Variants in CRB1 observed in about 807,000 individuals in gnomAD.
CRB1 encodes the protein crumbs cell polarity complex component 1.
A neutral mutation model predicts 120.0 loss-of-function variants in CRB1; 83 were observed. That is an observed-to-expected ratio of 0.69 (90% CI 0.58 to 0.83). The LOEUF is 0.83. Ranked by LOEUF, CRB1 falls within the 40% of genes least tolerant of loss-of-function variation. The pLI, the probability that CRB1 is intolerant of heterozygous loss-of-function variation, is 0.00. For synonymous variants in CRB1, 625 were observed against 612.5 expected (o/e 1.02, Z -0.30); for missense variants, 1,699 against 1,687.6 (o/e 1.01, Z -0.12).
intron 4 of CRB1, among the ~76,000 whole-genome samples, chr1:197,354,155 G>T (rs1393102310): frequency 6.6e-6 from 1 of 152,130 alleles, no homozygotes; most frequent in African/African-American, 2.4e-5. Context: ...AGCAAAGGTT[G>T]GCAAACGTTT....
rs1658671916 is a variant in CRB1 at position 197,328,711 on chromosome 1, A to G, written c.360A>G (p.Gln120=). The change falls in exon 2 of 12, where the codon CAA becomes CAG. Residue 120 remains glutamine, a synonymous_variant. Coordinates refer to ENST00000367400, the MANE Select transcript of CRB1 (RefSeq NM_201253.3). ...TIGSCGKNSC[Q]HGGICHQDPI... ...GTTCCTGTGGCAAGAACTCCTGCCA[A>G]CATGGAGGTATTTGCCATCAGGACC... 3 of 1,612,740 alleles carry G rather than the reference A, an allele frequency of 1.9e-6. No individual in the cohort carries two copies. Among genetic ancestry groups the G allele is most frequent in the East Asian group, 2.2e-5 (1 of 44,854 alleles).
the CRB1 span, chr1:197,223,052 G>T: frequency 1.3e-6 from 1 of 790,314 alleles, no homozygotes; most frequent in Non-Finnish European, 2.3e-6. Context: ...GACTATCTTT[G>T]AGGCAAAATA....
the CRB1 span, among the ~76,000 whole-genome samples, chr1:197,215,805 C>T: frequency 0.02 from 3,029 of 152,208 alleles, 49 homozygotes; most frequent in Middle Eastern, 0.058. Flanking sequence ...ACCTCCTTCC[C>T]GAATAAAGGA....
chr1:197,387,993 T>C (rs1464756044), intron 5 of CRB1, among the ~76,000 whole-genome samples: 2 of 151,746 alleles, frequency 1.3e-5, no homozygotes, highest in Non-Finnish European at 1.5e-5. Context: ...CTCATCTCTC[T>C]CTCTCTCTAT....
In CRB1 at chr1:197,435,397, C is replaced by G. The variant is rs753331276; in HGVS notation, c.3534C>G (p.Ile1178Met). 5 of 1,606,756 alleles carry G rather than the reference C, an allele frequency of 3.1e-6. No homozygotes were observed. Among genetic ancestry groups the G allele is most frequent in the Non-Finnish European group, 4.3e-6 (5 of 1,175,822 alleles). ...GWSGKHCELNIDECFSNPCIH... is the reference protein window; with the variant it reads ...GWSGKHCELNMDECFSNPCIH... ...CAGGGAAACACTGTGAACTCAACAT[C>G]GATGAATGCTTTTCAAACCCCTGTA... is the stretch of plus-strand genomic sequence containing the variant. Residue 1178 changes from isoleucine to methionine, a missense_variant, in exon 9 of 12, where the codon ATC (isoleucine) becomes ATG (methionine). Coordinates refer to ENST00000367400, the MANE Select transcript of CRB1 (RefSeq NM_201253.3).
intron 5 of CRB1, among the ~76,000 whole-genome samples, chr1:197,362,930 T>C (rs1021948467): frequency 2.0e-5 from 3 of 152,154 alleles, no homozygotes; most frequent in Non-Finnish European, 4.4e-5. Flanking sequence ...ATTATGTGTT[T>C]TCTGTTTGAT....
At chr1:197,205,265 C>A in the CRB1 span, among the ~76,000 whole-genome samples, 1 of 152,156 alleles carries the variant, frequency 6.6e-6, no homozygotes, top group Non-Finnish European at 1.5e-5. Flanking sequence ...ATTGTTCTGG[C>A]TCAGACTTCC....
chr1:197,469,266 A>T (rs1666879301), intron 11 of CRB1, among the ~76,000 whole-genome samples: 1 of 152,222 alleles, frequency 6.6e-6, no homozygotes, highest in Non-Finnish European at 1.5e-5. Flanking sequence ...TATATTTGAT[A>T]TGGACAGGTT....
intron 5 of CRB1, chr1:197,363,803 T>G: frequency 1.3e-6 from 1 of 753,908 alleles, no homozygotes; most frequent in South Asian, 1.4e-5. Flanking sequence ...GAATGGAGAT[T>G]TAAACCCAAG....
At chr1:197,354,519 T>C (rs1660318633) in intron 4 of CRB1, among the ~76,000 whole-genome samples, 1 of 152,040 alleles carries the variant, frequency 6.6e-6, no homozygotes, top group African/African-American at 2.4e-5. Flanking sequence ...GCTTCAAGAG[T>C]GAAGCCGCAG....
the CRB1 span, among the ~76,000 whole-genome samples, chr1:197,237,438 C>G: frequency 6.6e-6 from 1 of 152,120 alleles, no homozygotes; most frequent in Non-Finnish European, 1.5e-5. Flanking sequence ...TCCCTTCAAC[C>G]TCTTTTTATA....
At chr1:197,247,182 A>G in the CRB1 span, among the ~76,000 whole-genome samples, 1 of 151,998 alleles carries the variant, frequency 6.6e-6, no homozygotes, top group Admixed American at 6.6e-5. Flanking sequence ...AAAATTTTTT[A>G]CTCATAATTT....
chr1:197,338,268 G>A (rs1211364469), intron 2 of CRB1, among the ~76,000 whole-genome samples: 2 of 151,922 alleles, frequency 1.3e-5, no homozygotes, highest in Non-Finnish European at 2.9e-5. Context: ...GTTTAACTTG[G>A]GAAAATAATA....
At chr1:197,238,301 A>T in the CRB1 span, among the ~76,000 whole-genome samples, 1 of 152,174 alleles carries the variant, frequency 6.6e-6, no homozygotes, top group Non-Finnish European at 1.5e-5. Flanking sequence ...AATGATCCCC[A>T]ATTTCCCAAC....
At chr1:197,335,114 A>C (rs1023916022) in intron 2 of CRB1, among the ~76,000 whole-genome samples, 3 of 152,232 alleles carry the variant, frequency 2.0e-5, no homozygotes, top group African/African-American at 7.2e-5. Flanking sequence ...GCAGAGGAAC[A>C]GCAGATGCAA....
rs1384226796 is a variant in CRB1, at chr1:197,478,427, C to A, written c.*548C>A. 1 of 157,720 alleles carries A rather than the reference C, an allele frequency of 6.3e-6. No homozygotes were observed. The highest frequency in any genetic ancestry group is 2.4e-5 in the African/African-American group (1 of 41,466). The allele number at this position is 157,720 out of a possible 1,614,324, so 9.8% of individuals were successfully genotyped here. ...TGACTTATGGTCCAAAAAAGTGACC[C>A]AATGGCAACAAATAAAAATTGAAAT... On this transcript the variant is annotated 3_prime_UTR_variant, in exon 12 of 12. Transcript: ENST00000367400.
At chr1:197,326,881 T>C (rs1011762097) in intron 1 of CRB1, among the ~76,000 whole-genome samples, 2 of 151,328 alleles carry the variant, frequency 1.3e-5, no homozygotes, top group Non-Finnish European at 2.9e-5. Context: ...TCATTCTCTT[T>C]CTTAAAATAA....
At chr1:197,445,532 A>G (rs1406852358) in intron 11 of CRB1, among the ~76,000 whole-genome samples, 1 of 152,222 alleles carries the variant, frequency 6.6e-6, no homozygotes, top group Non-Finnish European at 1.5e-5. Flanking sequence ...ATACAAGGTC[A>G]ACCAAAATCT....
intron 1 of CRB1, among the ~76,000 whole-genome samples, chr1:197,269,148 G>C (rs1196774582): frequency 1.3e-5 from 2 of 152,206 alleles, no homozygotes; most frequent in African/African-American, 4.8e-5. Context: ...TGCCCCAGCT[G>C]TGTGTTTATG....
Sources: allele counts gnomAD v4.1 joint callset (sites outside exome capture counted in the v4.1 genomes callset), GRCh38; gene constraint gnomAD v4.1.1; transcripts MANE v1.5; gene names NCBI Gene and HGNC (gene_info 2026-07-23, HGNC 2026-07-21).